The following RABEPK variants were observed in gnomAD, a reference collection of about 807,000 sequenced individuals.
The protein encoded by RABEPK is Rab9 effector protein with kelch motifs, also known as 40 kDa Rab9 effector protein.
Under a neutral mutation model 34.1 loss-of-function variants are expected in RABEPK, and 27 were observed. The ratio of observed to expected loss-of-function variants is 0.79; its 90% CI spans 0.58 to 1.09. RABEPK has a LOEUF of 1.09. RABEPK is among the 50% of genes least tolerant of loss of function. The probability of loss-of-function intolerance (pLI) is 0.00; values close to 1 mark genes in which losing one functional copy is unlikely to be tolerated. For synonymous variants in RABEPK, 172 were observed against 169.2 expected, an observed-to-expected ratio of 1.02 and a Z score of -0.13; for missense variants, 449 against 462.6, an observed-to-expected ratio of 0.97 and a Z score of 0.27.
chr9:125,220,810 C>T (rs1232306325), intron 5 of RABEPK, 110 bp downstream of exon 5: 2 of 1,318,422 alleles, frequency 1.5e-6, no homozygotes, highest in Non-Finnish European at 2.0e-6. Context: ...TGTCTCACTT[C>T]TAGACTTCTT....
chr9:125,201,148 G>A (rs1186021542), intron 1 of RABEPK, among the ~76,000 whole-genome samples: 2 of 152,208 alleles, frequency 1.3e-5, no homozygotes, highest in African/African-American at 4.8e-5. Flanking sequence ...CCAGTGGGTG[G>A]AAGAAGGAAG....
At chr9:125,219,300 A>G (rs1323821452) in intron 4 of RABEPK, among the ~76,000 whole-genome samples, 2 of 150,704 alleles carry the variant, frequency 1.3e-5, no homozygotes, top group Non-Finnish European at 2.9e-5. Context: ...GGGCTCAAGC[A>G]ATCCTCCTGC....
chr9:125,203,500 A>G (rs540674615), intron 2 of RABEPK, among the ~76,000 whole-genome samples: 1 of 152,306 alleles, frequency 6.6e-6, no homozygotes, highest in East Asian at 1.9e-4. Context: ...AGAATTGTAA[A>G]TAGTCTCTGT....
chr9:125,200,621 A>C lies in RABEPK; in HGVS notation c.-292A>C, dbSNP rs763756447. ...GGAGGGTAGGGGCGAGGGTCCCCGG[A>C]TACCGGGTCTATCACGGTCTCGGGC... On this transcript the variant is annotated 5_prime_UTR_variant, in exon 1 of 8. Coordinates refer to ENST00000373538, the MANE Select transcript of RABEPK (RefSeq NM_005833.4). The C allele has an allele frequency of 2.2e-6, 1 of 462,318 alleles. No individual in the cohort carries two copies. Among genetic ancestry groups the C allele is most frequent in the Admixed American group, 2.4e-5 (1 of 42,184 alleles). The allele number at this position is 462,318 out of a possible 1,614,324, so 28.6% of individuals were successfully genotyped here.
intron 2 of RABEPK, among the ~76,000 whole-genome samples, chr9:125,204,916 C>T (rs1564172070): frequency 6.6e-6 from 1 of 152,300 alleles, no homozygotes; most frequent in African/African-American, 2.4e-5. Flanking sequence ...TAGCCTCGAC[C>T]TCCTGGCCTC....
At chr9:125,201,998 G>C (rs1281380611) in intron 1 of RABEPK, among the ~76,000 whole-genome samples, 3 of 151,618 alleles carry the variant, frequency 2.0e-5, no homozygotes, top group African/African-American at 7.2e-5. Flanking sequence ...AGGCCGAGGC[G>C]AGCCAAGTTC....
intron 5 of RABEPK, among the ~76,000 whole-genome samples, chr9:125,226,676 C>T (rs1016730538): frequency 2.7e-5 from 4 of 149,570 alleles, no homozygotes; most frequent in African/African-American, 4.9e-5. Context: ...CCAGTCTGGC[C>T]AACATGGTGA....
chr9:125,220,396 T>A, intron 4 of RABEPK, 143 bp from the exon 5 acceptor site: 1 of 1,469,826 alleles, frequency 6.8e-7, no homozygotes, highest in Non-Finnish European at 9.0e-7. Context: ...TCCTTGATGT[T>A]TGTGAGTATG....
chr9:125,210,901 G>A (rs1830551946), intron 3 of RABEPK, among the ~76,000 whole-genome samples: 3 of 142,408 alleles, frequency 2.1e-5, no homozygotes, highest in South Asian at 2.4e-4. Context: ...GCAGAGGCAC[G>A]ATCTTGGCTC....
chr9:125,227,691 A>G (rs1007359106), intron 5 of RABEPK, among the ~76,000 whole-genome samples: 1 of 151,516 alleles, frequency 6.6e-6, no homozygotes, highest in African/African-American at 2.4e-5. Flanking sequence ...TCGGCCTCCC[A>G]AAGTGCTGGG....
At chr9:125,215,937 A>G (rs1397290623) in intron 4 of RABEPK, among the ~76,000 whole-genome samples, 5 of 152,184 alleles carry the variant, frequency 3.3e-5, no homozygotes, top group African/African-American at 9.7e-5. Context: ...ACTGACCAGC[A>G]CTGAATTTAT....
chr9:125,223,351 G>A (rs143496346), intron 5 of RABEPK, among the ~76,000 whole-genome samples: 4,963 of 151,874 alleles, frequency 0.033, 238 homozygotes, highest in African/African-American at 0.11. Flanking sequence ...AGCTACTAGG[G>A]AGGCTGAGGC....
At chr9:125,208,098 G>A (rs1490940302) in intron 3 of RABEPK, among the ~76,000 whole-genome samples, 1 of 151,902 alleles carries the variant, frequency 6.6e-6, no homozygotes, top group Non-Finnish European at 1.5e-5. Flanking sequence ...ACTGTACTCC[G>A]GCCTGGGTGA....
At chr9:125,204,031 C>CAA (rs111335703) in intron 2 of RABEPK, among the ~76,000 whole-genome samples, 6 of 82,174 alleles carry the variant, frequency 7.3e-5, no homozygotes, top group Admixed American at 1.6e-4. Flanking sequence ...GAATCCGTTT[C>CAA]AAAAAAAAAA....
Position 125,201,112 on chromosome 9 carries a change from A to G in RABEPK, c.-7+206A>G, listed in dbSNP as rs188285366. Among the ~76,000 whole-genome samples the G allele has an allele frequency of 4.6e-4, 70 of 152,320 alleles. No homozygotes were observed. The East Asian group carries it at 0.01, about 22-fold the overall frequency. On this transcript the variant is annotated intron_variant, in intron 1 of 7. Coordinates refer to ENST00000373538, the MANE Select transcript of RABEPK (RefSeq NM_005833.4). Reference sequence around the variant, plus strand: ...ATAAACATTCCAAATGATTCCTGCAATGGTGATGGCTAATACCTTCAGAGC... The same window carrying G: ...ATAAACATTCCAAATGATTCCTGCAGTGGTGATGGCTAATACCTTCAGAGC...
chr9:125,233,328 TG>T (rs1211919972), intron 7 of RABEPK, among the ~76,000 whole-genome samples: 15 of 145,694 alleles, frequency 1.0e-4, no homozygotes, highest in South Asian at 4.3e-4. Flanking sequence ...ATCTGGAAAT[TG>T]TTTTTTTTTT....
chr9:125,220,946 C>G (rs1564189176), intron 5 of RABEPK: 1 of 426,608 alleles, frequency 2.3e-6, no homozygotes, highest in Non-Finnish European at 4.0e-6. Flanking sequence ...GCAGGTGGAC[C>G]GCTTAAGGTC....
At chr9:125,205,009 G>A (rs146423664) in intron 2 of RABEPK, among the ~76,000 whole-genome samples, 2 of 151,554 alleles carry the variant, frequency 1.3e-5, no homozygotes. Flanking sequence ...TTTTTTTAGA[G>A]ACCCAGTCTC....
At chr9:125,227,548 A>G (rs1445151918) in intron 5 of RABEPK, among the ~76,000 whole-genome samples, 4 of 151,610 alleles carry the variant, frequency 2.6e-5, no homozygotes, top group Non-Finnish European at 4.4e-5. Flanking sequence ...CAGCCTCCCA[A>G]GTAGCTGGGA....
Sources: gnomAD v4.1 joint callset for allele counts (sites outside exome capture counted in the v4.1 genomes callset) on GRCh38, gnomAD v4.1.1 for gene constraint, MANE v1.5 for transcripts, NCBI Gene and HGNC (gene_info 2026-07-23, HGNC 2026-07-21) for gene names.